The following MAGI2 variants were observed in gnomAD, a reference collection of about 807,000 sequenced individuals.
MAGI2 encodes the protein membrane-associated guanylate kinase, WW and PDZ domain-containing protein 2.
Under a neutral mutation model 133.3 loss-of-function variants are expected in MAGI2, and 35 were observed. The observed-to-expected ratio is 0.26, with a 90% CI of 0.20 to 0.35. The LOEUF is 0.35. Among genes scored for constraint, MAGI2 ranks in the 10% least tolerant of loss-of-function variants. The pLI is 1.00. For missense variants in MAGI2, 1,636 were observed against 1,863.4 expected (o/e 0.88, Z 2.25); for synonymous variants, 729 against 710.6 (o/e 1.03, Z -0.41).
At chr7:78,655,766 G>C (rs928580228) in intron 2 of MAGI2, among the ~76,000 whole-genome samples, 2 of 152,040 alleles carry the variant, frequency 1.3e-5, no homozygotes, top group East Asian at 1.9e-4. Context: ...CGGATCACGA[G>C]GTCAGGAGAT....
At chr7:78,389,082 T>C (rs1795664698) in intron 6 of MAGI2, among the ~76,000 whole-genome samples, 1 of 152,218 alleles carries the variant, frequency 6.6e-6, no homozygotes, top group African/African-American at 2.4e-5. Context: ...AGACAAAGGA[T>C]ATTTTCCAGT....
rs561353350 is a variant in MAGI2 at position 79,038,692 on chromosome 7, G to C, written c.302-31486C>G. Among the ~76,000 whole-genome samples the C allele has an allele frequency of 1.8e-3, 273 of 152,162 alleles. 1 individual carries two copies. The highest frequency in any genetic ancestry group is 6.4e-3 in the African/African-American group (264 of 41,508). ...AGCTATATAGTATGTCACTGTGTATGGAATATAATTTCTTTAATGAATTCC... is the reference window on the plus strand; with the variant it reads ...AGCTATATAGTATGTCACTGTGTATCGAATATAATTTCTTTAATGAATTCC... On this transcript the variant is annotated intron_variant, in intron 1 of 21. Coordinates refer to ENST00000354212, the MANE Select transcript of MAGI2 (RefSeq NM_012301.4).
Position 78,463,676 on chromosome 7 carries a change from T to C in MAGI2, c.1045+26085A>G, listed in dbSNP as rs140077165. On this transcript the variant is annotated intron_variant, in intron 6 of 21. Coordinates refer to ENST00000354212, the MANE Select transcript of MAGI2 (RefSeq NM_012301.4). ...CCTCGCAAATGGAGGTGGTTTGATA[T>C]GGAGAAAGTGATGAGCTAGAGAAAT... is the stretch of plus-strand genomic sequence containing the variant. Among the ~76,000 whole-genome samples the C allele has an allele frequency of 2.1e-4, 32 of 152,182 alleles. No individual in the cohort carries two copies. The East Asian group carries it at 5.8e-3, about 28-fold the overall frequency.
At chr7:78,212,991 C>T (rs774022261) in intron 10 of MAGI2, among the ~76,000 whole-genome samples, 42 of 152,132 alleles carry the variant, frequency 2.8e-4, no homozygotes, top group African/African-American at 9.9e-4. Flanking sequence ...TTTCTATTGT[C>T]CTCTGATATT....
chr7:79,081,104 T>C (rs1438218259), intron 1 of MAGI2, among the ~76,000 whole-genome samples: 2 of 152,114 alleles, frequency 1.3e-5, no homozygotes, highest in African/African-American at 4.8e-5. Flanking sequence ...CTGACTTACA[T>C]GCCCAATTTG....
intron 1 of MAGI2, among the ~76,000 whole-genome samples, chr7:79,306,436 A>T (rs1224813994): frequency 6.6e-6 from 1 of 151,472 alleles, no homozygotes; most frequent in Non-Finnish European, 1.5e-5. Context: ...TATTGGGATT[A>T]CCAGTATGAA....
chr7:79,213,254 G>GTA (rs1029797012), intron 1 of MAGI2, among the ~76,000 whole-genome samples: 17 of 139,856 alleles, frequency 1.2e-4, no homozygotes, highest in South Asian at 2.3e-4. Flanking sequence ...ATGTGGGTGT[G>GTA]TATATATATA....
intron 1 of MAGI2, among the ~76,000 whole-genome samples, chr7:79,261,645 C>T (rs984513097): frequency 1.6e-4 from 24 of 152,164 alleles, no homozygotes; most frequent in Admixed American, 3.9e-4. Flanking sequence ...CTATTCCCCT[C>T]CATTGCTTTA....
chr7:79,367,127 C>G (rs938679896), intron 1 of MAGI2, among the ~76,000 whole-genome samples: 1 of 152,200 alleles, frequency 6.6e-6, no homozygotes, highest in Non-Finnish European at 1.5e-5. Context: ...AAGAATTAAG[C>G]TACAGACCAA....
At chr7:78,555,189 GT>G (rs1799694733) in intron 3 of MAGI2, among the ~76,000 whole-genome samples, 1 of 99,208 alleles carries the variant, frequency 1.0e-5, no homozygotes, top group Non-Finnish European at 2.4e-5. Context: ...ATAGAGGACG[GT>G]TGGATGGATG....
rs942788719 is a variant in MAGI2 at position 79,354,760 on chromosome 7, G to T, written c.301+98260C>A. Among the ~76,000 whole-genome samples the T allele has an allele frequency of 3.2e-4, 48 of 152,174 alleles. 1 individual carries two copies. The highest frequency in any genetic ancestry group is 1.1e-3 in the African/African-American group (46 of 41,450). On this transcript the variant is annotated intron_variant, in intron 1 of 21. Coordinates refer to ENST00000354212, the MANE Select transcript of MAGI2 (RefSeq NM_012301.4). ...GGTGTGCCTCACAATGGTAATATTAGAGGGTTTGTTTTTGAATGATCTACA... is the reference window on the plus strand; with the variant it reads ...GGTGTGCCTCACAATGGTAATATTATAGGGTTTGTTTTTGAATGATCTACA...
intron 1 of MAGI2, among the ~76,000 whole-genome samples, chr7:79,236,217 G>C (rs1831911464): frequency 6.6e-6 from 1 of 152,176 alleles, no homozygotes; most frequent in East Asian, 1.9e-4. Context: ...TAATCTCACT[G>C]TATTAAAGCA....
At position 78,497,054 on chromosome 7, in the gene MAGI2, G is replaced by A. The variant is rs112107075; in HGVS notation, c.965+4523C>T. 2.5e-3 allele frequency among the ~76,000 whole-genome samples: 379 copies of A among 152,176 alleles called. 5 individuals carry two copies. Among genetic ancestry groups the A allele is most frequent in the African/African-American group, 8.4e-3 (350 of 41,538 alleles). ...TGAACTATTGTTGTTAAGGTAACGC[G>A]AATACACCCTTAAAAAGGTGGGTCC... On this transcript the variant is annotated intron_variant, in intron 5 of 21. Transcript: ENST00000354212.
At chr7:78,120,752 A>G (rs1330474026) in intron 20 of MAGI2, among the ~76,000 whole-genome samples, 1 of 151,922 alleles carries the variant, frequency 6.6e-6, no homozygotes, top group South Asian at 2.1e-4. Context: ...CTGGAATCCC[A>G]GCACTTTGGG....
intron 2 of MAGI2, among the ~76,000 whole-genome samples, chr7:78,876,038 A>T (rs911577327): frequency 1.3e-5 from 2 of 152,156 alleles, no homozygotes; most frequent in South Asian, 4.1e-4. Context: ...AAAATTTGGG[A>T]CATGCCGGGG....
At chr7:78,654,674 T>C in intron 2 of MAGI2, among the ~76,000 whole-genome samples, 1 of 145,940 alleles carries the variant, frequency 6.9e-6, no homozygotes, top group Non-Finnish European at 1.5e-5. Context: ...CTACTCTTTG[T>C]AATTATTTGT....
chr7:78,213,610 C>T (rs1787982468), intron 10 of MAGI2, among the ~76,000 whole-genome samples: 1 of 152,212 alleles, frequency 6.6e-6, no homozygotes, highest in South Asian at 2.1e-4. Flanking sequence ...AGACCATAAC[C>T]TGCTCTTGTG....
intron 1 of MAGI2, among the ~76,000 whole-genome samples, chr7:79,031,057 C>T (rs529592031): frequency 1.3e-5 from 2 of 152,142 alleles, no homozygotes; most frequent in Non-Finnish European, 2.9e-5. Flanking sequence ...TTAGATATAG[C>T]AATCATGTTC....
At position 78,296,204 on chromosome 7, in the gene MAGI2, A is replaced by G. The variant is rs142157840; in HGVS notation, c.1409-39623T>C. ...TTATTCCTCTGCTAAATGATTACTC[A>G]TCATGTTTAGAATGAAAGCCAGAAG... On this transcript the variant is annotated intron_variant, in intron 9 of 21. Coordinates refer to ENST00000354212, the MANE Select transcript of MAGI2 (RefSeq NM_012301.4). Among the ~76,000 whole-genome samples the G allele has an allele frequency of 1.7e-3, 260 of 152,304 alleles. 1 individual carries two copies. Among genetic ancestry groups the G allele is most frequent in the African/African-American group, 5.9e-3 (247 of 41,568 alleles).
Sources: allele counts gnomAD v4.1 joint callset (sites outside exome capture counted in the v4.1 genomes callset), GRCh38; gene constraint gnomAD v4.1.1; transcripts MANE v1.5; gene names NCBI Gene and HGNC (gene_info 2026-07-23, HGNC 2026-07-21).